The following ATP6V1G1 variants were observed in gnomAD, a reference collection of about 807,000 sequenced individuals.
ATP6V1G1 encodes ATPase H+ transporting V1 subunit G1, also known as V-type proton ATPase subunit G 1.
In ATP6V1G1, 14 loss-of-function variants were observed where a neutral mutation model predicts 14.2. The observed-to-expected ratio is 0.99, with a 90% CI of 0.65 to 1.55. The LOEUF (loss-of-function observed/expected upper bound fraction) is 1.55, where lower values mean the gene tolerates loss of function less well. Ranked by LOEUF, ATP6V1G1 falls within the 40% of genes most tolerant of loss-of-function variation. ATP6V1G1 has a pLI of 0.00. For missense variants in ATP6V1G1, 137 were observed against 146.4 expected, an observed-to-expected ratio of 0.94 and a Z score of 0.33; for synonymous variants, 65 against 53.3, an observed-to-expected ratio of 1.22 and a Z score of -0.96.
chr9:114,587,821 C>G lies in ATP6V1G1; in HGVS notation c.-18C>G. ...GGTGCCTTAGGCCGCTTGCCTTGCT[C>G]TCAGAATCGCTGCCGCCATGGCTAG... is the stretch of plus-strand genomic sequence containing the variant. On this transcript the variant is annotated 5_prime_UTR_variant, in exon 1 of 3. Coordinates refer to ENST00000374050, the MANE Select transcript of ATP6V1G1 (RefSeq NM_004888.4). 2 of 1,576,474 alleles carry G rather than the reference C, an allele frequency of 1.3e-6. No homozygotes were observed. The highest frequency in any genetic ancestry group is 2.3e-5 in the East Asian group (1 of 43,174).
At chr9:114,590,841 G>A (rs1845175889) in intron 1 of ATP6V1G1, among the ~76,000 whole-genome samples, 1 of 152,020 alleles carries the variant, frequency 6.6e-6, no homozygotes, top group African/African-American at 2.4e-5. Flanking sequence ...TCGCCCCCAG[G>A]CAGGAGGGCA....
intron 1 of ATP6V1G1, among the ~76,000 whole-genome samples, chr9:114,588,346 G>GT (rs1845148472): frequency 6.6e-6 from 1 of 151,960 alleles, no homozygotes; most frequent in Non-Finnish European, 1.5e-5. Flanking sequence ...CAAGGCTTGC[G>GT]TATCTTTCAC....
chr9:114,595,422 TG>T (rs1294472437), intron 2 of ATP6V1G1, among the ~76,000 whole-genome samples: 2 of 151,780 alleles, frequency 1.3e-5, no homozygotes, highest in Non-Finnish European at 2.9e-5. Flanking sequence ...GAGGCCAAGG[TG>T]GGTGGATCGT....
intron 1 of ATP6V1G1, among the ~76,000 whole-genome samples, chr9:114,590,388 C>A (rs927370234): frequency 1.3e-5 from 2 of 151,610 alleles, no homozygotes; most frequent in Non-Finnish European, 2.9e-5. Flanking sequence ...TCCCAAGTAG[C>A]TGGGATTACA....
chr9:114,596,138 AAG>A (rs1845234951), intron 2 of ATP6V1G1, among the ~76,000 whole-genome samples: 1 of 152,042 alleles, frequency 6.6e-6, no homozygotes, highest in South Asian at 2.1e-4. Context: ...AGGTAATAAA[AAG>A]GGGCAGGCTG....
intron 1 of ATP6V1G1, among the ~76,000 whole-genome samples, chr9:114,590,198 CAAAAAAA>C (rs71300693): frequency 3.1e-5 from 3 of 97,522 alleles, no homozygotes; most frequent in African/African-American, 1.2e-4. Context: ...GACGCCGTCT[CAAAAAAA>C]AAAAAAAACA....
intron 2 of ATP6V1G1, among the ~76,000 whole-genome samples, chr9:114,597,241 C>T (rs371129298): frequency 3.3e-5 from 5 of 151,766 alleles, no homozygotes; most frequent in East Asian, 3.9e-4. Context: ...CCGCCCGCCT[C>T]GGCCTCCCAA....
chr9:114,592,940 A>G (rs572628751), intron 2 of ATP6V1G1, among the ~76,000 whole-genome samples: 10 of 152,364 alleles, frequency 6.6e-5, no homozygotes, highest in Non-Finnish European at 8.8e-5. Context: ...AGGAATAGAC[A>G]TGGTCCCTTC....
At chr9:114,596,303 G>A (rs1845237324) in intron 2 of ATP6V1G1, among the ~76,000 whole-genome samples, 1 of 151,542 alleles carries the variant, frequency 6.6e-6, no homozygotes, top group Non-Finnish European at 1.5e-5. Flanking sequence ...CAGGAGAATG[G>A]CGTGAACCCG....
At position 114,598,475 on chromosome 9, in the gene ATP6V1G1, T is replaced by A. The variant is rs923956353; in HGVS notation, c.*732T>A. 6 of 152,560 alleles carry A rather than the reference T, an allele frequency of 3.9e-5. No individual in the cohort carries two copies. The highest frequency in any genetic ancestry group is 2.6e-4 in the Admixed American group (4 of 15,268). 9.5% of individuals were successfully genotyped at this position (152,560 alleles called of 1,614,324 possible). ...TTTGACCCAGATGGTCTGCAGAACTTCACTTAGGACATTAGCACACAAATA... is the reference window on the plus strand; with the variant it reads ...TTTGACCCAGATGGTCTGCAGAACTACACTTAGGACATTAGCACACAAATA... On this transcript the variant is annotated 3_prime_UTR_variant, in exon 3 of 3. Coordinates refer to ENST00000374050, the MANE Select transcript of ATP6V1G1 (RefSeq NM_004888.4).
intron 1 of ATP6V1G1, among the ~76,000 whole-genome samples, chr9:114,591,640 G>T (rs1845182934): frequency 6.6e-6 from 1 of 152,164 alleles, no homozygotes; most frequent in South Asian, 2.1e-4. Flanking sequence ...CAGGTCCAAA[G>T]TTCTGTTCTG....
In ATP6V1G1 at chr9:114,590,825, G is replaced by A. The variant is rs1033616208; in HGVS notation, c.83-1727G>A. Among the ~76,000 whole-genome samples, 7 of 151,496 alleles carry A rather than the reference G, an allele frequency of 4.6e-5. No homozygotes were observed. The East Asian group carries it at 1.2e-3, about 25-fold the overall frequency. On this transcript the variant is annotated intron_variant, in intron 1 of 2. Transcript: ENST00000374050. ...ATTTATTTTTTTGAGATGGATTCTCGCTCTGTCGCCCCCAGGCAGGAGGGC... is the reference window on the plus strand; with the variant it reads ...ATTTATTTTTTTGAGATGGATTCTCACTCTGTCGCCCCCAGGCAGGAGGGC...
intron 2 of ATP6V1G1, among the ~76,000 whole-genome samples, chr9:114,593,035 CT>C (rs1221612743): frequency 1.3e-5 from 2 of 152,118 alleles, no homozygotes; most frequent in Non-Finnish European, 2.9e-5. Flanking sequence ...CTGAAAAATG[CT>C]GTGACGGTCA....
chr9:114,591,380 A>G (rs1443433165), intron 1 of ATP6V1G1, among the ~76,000 whole-genome samples: 1 of 152,224 alleles, frequency 6.6e-6, no homozygotes, highest in Non-Finnish European at 1.5e-5. Context: ...TGTTCAGGCC[A>G]TGAGTGTTAT....
intron 1 of ATP6V1G1, among the ~76,000 whole-genome samples, chr9:114,591,354 C>T (rs1845180285): frequency 1.3e-5 from 2 of 152,078 alleles, no homozygotes; most frequent in Admixed American, 6.5e-5. Context: ...TGAAATCATG[C>T]GGAGCTACTG....
chr9:114,588,535 G>GTGTGTTTC (rs1845151978), intron 1 of ATP6V1G1, among the ~76,000 whole-genome samples: 1 of 149,626 alleles, frequency 6.7e-6, no homozygotes, highest in Non-Finnish European at 1.5e-5. Context: ...GTGTGTGTGT[G>GTGTGTTTC]TGTGTTTCTG....
chr9:114,595,348 T>TTATAG (rs1284228327), intron 2 of ATP6V1G1, among the ~76,000 whole-genome samples: 1 of 152,028 alleles, frequency 6.6e-6, no homozygotes, highest in Non-Finnish European at 1.5e-5. Context: ...ATATGAACAG[T>TTATAG]TATAGTATAG....
At chr9:114,591,806 C>CTTTTTTTTTTT (rs77405360) in intron 1 of ATP6V1G1, among the ~76,000 whole-genome samples, 1 of 143,710 alleles carries the variant, frequency 7.0e-6, no homozygotes. Flanking sequence ...TAGAACCTCT[C>CTTTTTTTTTTT]TTTTTTTTTT....
chr9:114,590,824 C>T (rs570519561), intron 1 of ATP6V1G1, among the ~76,000 whole-genome samples: 12 of 152,078 alleles, frequency 7.9e-5, no homozygotes, highest in East Asian at 1.9e-4. Flanking sequence ...GATGGATTCT[C>T]GCTCTGTCGC....
Sources: allele counts gnomAD v4.1 joint callset (sites outside exome capture counted in the v4.1 genomes callset), GRCh38; gene constraint gnomAD v4.1.1; transcripts MANE v1.5; gene names NCBI Gene and HGNC (gene_info 2026-07-23, HGNC 2026-07-21).